MRPS28: variants seen among roughly 807,000 people sequenced by gnomAD.
MRPS28 encodes the protein small ribosomal subunit protein bS1m.
Under a neutral mutation model 10.8 loss-of-function variants are expected in MRPS28, and 7 were observed. That is an observed-to-expected ratio of 0.65 (90% CI 0.37 to 1.22). The LOEUF is 1.22. Ranked by LOEUF, MRPS28 falls within the 50% of genes most tolerant of loss-of-function variation. The probability of loss-of-function intolerance (pLI) is 0.02; values close to 1 mark genes in which losing one functional copy is unlikely to be tolerated. For synonymous variants in MRPS28, 121 were observed against 93.3 expected, an observed-to-expected ratio of 1.30 and a Z score of -1.71; for missense variants, 265 against 232.9, an observed-to-expected ratio of 1.14 and a Z score of -0.90.
At chr8:79,953,087 C>G (rs74526169) in intron 2 of MRPS28, among the ~76,000 whole-genome samples, 2,927 of 152,302 alleles carry the variant, frequency 0.019, 38 homozygotes, top group Middle Eastern at 0.037. Flanking sequence ...CCTGCTCTGA[C>G]CTCAGAGTCG....
chr8:80,018,473 G>T (rs1204046229), intron 1 of MRPS28, among the ~76,000 whole-genome samples: 4 of 152,082 alleles, frequency 2.6e-5, no homozygotes, highest in African/African-American at 9.7e-5. Context: ...TTATCCAAAA[G>T]ACCAGCAGTA....
chr8:80,013,352 A>C (rs1433837849), intron 1 of MRPS28, among the ~76,000 whole-genome samples: 3 of 152,100 alleles, frequency 2.0e-5, no homozygotes, highest in Non-Finnish European at 4.4e-5. Context: ...GACAATAAAA[A>C]CAGCTGGGTG....
chr8:79,984,818 T>A (rs1356396170), intron 2 of MRPS28, among the ~76,000 whole-genome samples: 1 of 152,100 alleles, frequency 6.6e-6, no homozygotes, highest in African/African-American at 2.4e-5. Flanking sequence ...TCCCACTCAA[T>A]AATAATGGGA....
chr8:79,950,586 T>C (rs996857417), intron 2 of MRPS28, among the ~76,000 whole-genome samples: 2 of 152,102 alleles, frequency 1.3e-5, no homozygotes, highest in Non-Finnish European at 2.9e-5. Context: ...AATTACAAAA[T>C]GCCTTCGGAT....
chr8:79,990,728 G>A (rs1030445319), intron 2 of MRPS28, among the ~76,000 whole-genome samples: 1 of 151,786 alleles, frequency 6.6e-6, no homozygotes, highest in Non-Finnish European at 1.5e-5. Flanking sequence ...AGTGGCTCAT[G>A]TCTGTAATCC....
At chr8:79,920,669 T>C in intron 2 of MRPS28, among the ~76,000 whole-genome samples, 1 of 152,222 alleles carries the variant, frequency 6.6e-6, no homozygotes, top group East Asian at 1.9e-4. Context: ...CTTGAGTTCA[T>C]TGTAGATTCT....
At chr8:79,943,053 C>G (rs1210776085) in intron 2 of MRPS28, among the ~76,000 whole-genome samples, 1 of 152,188 alleles carries the variant, frequency 6.6e-6, no homozygotes, top group African/African-American at 2.4e-5. Flanking sequence ...CCCAACATTG[C>G]CTTTTCATAC....
chr8:79,987,162 A>G (rs1320278307), intron 2 of MRPS28, among the ~76,000 whole-genome samples: 2 of 152,054 alleles, frequency 1.3e-5, no homozygotes, highest in Non-Finnish European at 2.9e-5. Flanking sequence ...CCTGACAAAA[A>G]CAAGCAATGG....
intron 1 of MRPS28, among the ~76,000 whole-genome samples, chr8:80,014,528 G>C (rs780938805): frequency 6.6e-6 from 1 of 152,164 alleles, no homozygotes; most frequent in African/African-American, 2.4e-5. Flanking sequence ...CTTGAACCTT[G>C]GCTCTACCGC....
intron 2 of MRPS28, among the ~76,000 whole-genome samples, chr8:79,954,193 T>C (rs538361967): frequency 3.9e-5 from 6 of 152,086 alleles, no homozygotes; most frequent in African/African-American, 1.2e-4. Flanking sequence ...ACCTAGGCAA[T>C]AGTGAGACCT....
At chr8:79,966,036 G>C (rs115782046) in intron 2 of MRPS28, among the ~76,000 whole-genome samples, 2,941 of 152,114 alleles carry the variant, frequency 0.019, 37 homozygotes, top group Middle Eastern at 0.038. Context: ...ATATCTAGCA[G>C]TATGTTAGAA....
chr8:79,963,993 TAG>T (rs1181771367), intron 2 of MRPS28, among the ~76,000 whole-genome samples: 2 of 152,176 alleles, frequency 1.3e-5, no homozygotes, highest in African/African-American at 4.8e-5. Context: ...TTGATATTTA[TAG>T]AGTTATTGAC....
intron 1 of MRPS28, among the ~76,000 whole-genome samples, chr8:80,010,064 T>C (rs1431847253): frequency 6.6e-6 from 1 of 152,238 alleles, no homozygotes; most frequent in Non-Finnish European, 1.5e-5. Flanking sequence ...TTTTGTGCTA[T>C]TCACTTTCCG....
chr8:80,008,483 G>C (rs1205751177), intron 1 of MRPS28, among the ~76,000 whole-genome samples: 2 of 152,306 alleles, frequency 1.3e-5, no homozygotes, highest in African/African-American at 4.8e-5. Flanking sequence ...GGAGTGAACA[G>C]GCAACCTACA....
chr8:79,979,432 C>G (rs1433195207), intron 2 of MRPS28, among the ~76,000 whole-genome samples: 2 of 151,946 alleles, frequency 1.3e-5, no homozygotes, highest in East Asian at 3.9e-4. Context: ...TAGGTCTGAC[C>G]AATTAAATGA....
intron 2 of MRPS28, among the ~76,000 whole-genome samples, chr8:79,921,570 C>T (rs1013269918): frequency 6.6e-6 from 1 of 152,016 alleles, no homozygotes; most frequent in Non-Finnish European, 1.5e-5. Flanking sequence ...TGGGAGTTCA[C>T]TCATGATTTG....
At chr8:79,960,839 AAAAG>A (rs1273350637) in intron 2 of MRPS28, among the ~76,000 whole-genome samples, 2 of 152,294 alleles carry the variant, frequency 1.3e-5, no homozygotes, top group East Asian at 1.9e-4. Flanking sequence ...GTTCATTAAA[AAAAG>A]AAAGCACCCT....
At chr8:79,988,280 G>A (rs1808253903) in intron 2 of MRPS28, among the ~76,000 whole-genome samples, 1 of 110,238 alleles carries the variant, frequency 9.1e-6, no homozygotes, top group African/African-American at 3.4e-5. Flanking sequence ...CGTGGGGTGG[G>A]GGGAGGGGGG....
intron 2 of MRPS28, among the ~76,000 whole-genome samples, chr8:79,922,054 G>A (rs138463667): frequency 9.2e-5 from 14 of 152,128 alleles, no homozygotes; most frequent in South Asian, 2.1e-4. Flanking sequence ...GGTTTTTGTC[G>A]TTGGTTCTGT....
Sources: gnomAD v4.1 joint callset for allele counts (sites outside exome capture counted in the v4.1 genomes callset) on GRCh38, gnomAD v4.1.1 for gene constraint, MANE v1.5 for transcripts, NCBI Gene and HGNC (gene_info 2026-07-23, HGNC 2026-07-21) for gene names.